RNASEH1: variants seen among roughly 807,000 people sequenced by gnomAD.
The protein encoded by RNASEH1 is ribonuclease H type II.
In RNASEH1, 27 loss-of-function variants were observed where a neutral mutation model predicts 34.6. The ratio of observed to expected loss-of-function variants is 0.78; its 90% CI spans 0.58 to 1.08. The LOEUF is 1.08. Ranked by LOEUF, RNASEH1 falls within the 50% of genes least tolerant of loss-of-function variation. The pLI, the probability that RNASEH1 is intolerant of heterozygous loss-of-function variation, is 0.00. For synonymous variants in RNASEH1, 162 were observed against 138.4 expected, an observed-to-expected ratio of 1.17 and a Z score of -1.20; for missense variants, 349 against 373.6, an observed-to-expected ratio of 0.93 and a Z score of 0.54.
rs545437379 is a variant in RNASEH1 at position 3,556,954 on chromosome 2, CCT to C, written c.129-52_129-51del. 140 of 1,346,604 alleles carry C rather than the reference CCT, an allele frequency of 1.0e-4. 1 individual carries two copies. In the East Asian group the frequency reaches 1.9e-3, roughly 19 times the overall value. The allele number at this position is 1,346,604 out of a possible 1,614,324, so 83.4% of individuals were successfully genotyped here. ...TCCTTCTTCCTTCTCTAACTTATCC[CCT>C]TTTTTATTGAGATTCTTAAGGTTGG... On this transcript the variant is annotated intron_variant, in intron 1 of 7. Coordinates refer to ENST00000315212, the MANE Select transcript of RNASEH1 (RefSeq NM_002936.6).
At chr2:3,535,180 C>T in the RNASEH1 span, among the ~76,000 whole-genome samples, 85 of 151,942 alleles carry the variant, frequency 5.6e-4, no homozygotes, top group Non-Finnish European at 4.3e-4. Flanking sequence ...CACTTGGGGA[C>T]GGTGAGGCAG....
the RNASEH1 span, among the ~76,000 whole-genome samples, chr2:3,534,744 C>T: frequency 3.7e-3 from 559 of 152,352 alleles, 3 homozygotes; most frequent in African/African-American, 0.012. Context: ...GGGGCGCCAG[C>T]GGCCATGGAG....
chr2:3,552,228 C>G lies in RNASEH1; in HGVS notation c.325G>C (p.Glu109Gln). The G allele has an allele frequency of 6.2e-7, 1 of 1,613,846 alleles. No homozygotes were observed. The highest frequency in any genetic ancestry group is 8.5e-7 in the Non-Finnish European group (1 of 1,180,024). The part of the protein sequence containing the change: ...LREPLDGDGH[E>Q]SAEPYAKHMK... Reference sequence around the variant, plus strand: ...TGCTTTGCATACGGCTCTGCGCTTTCATGTCCATCTCCATCCAGTGGCTCA... The same window carrying G: ...TGCTTTGCATACGGCTCTGCGCTTTGATGTCCATCTCCATCCAGTGGCTCA... Residue 109 changes from glutamate to glutamine, a missense_variant, in exon 3 of 8, where the codon GAA becomes CAA. By Grantham distance (29) the Glu-to-Gln change is conservative. Coordinates refer to ENST00000315212, the MANE Select transcript of RNASEH1 (RefSeq NM_002936.6).
chr2:3,551,281 T>A (rs1311756618), intron 3 of RNASEH1, among the ~76,000 whole-genome samples: 4 of 152,204 alleles, frequency 2.6e-5, no homozygotes, highest in African/African-American at 9.7e-5. Flanking sequence ...GCTCCTCCGT[T>A]CAGCTGGAAC....
intron 1 of RNASEH1, chr2:3,557,793 C>T: frequency 1.9e-6 from 2 of 1,076,546 alleles, no homozygotes; most frequent in Non-Finnish European, 2.6e-6. Context: ...GGAAAGTCTT[C>T]TGGTAACGGG....
downstream of RNASEH1, among the ~76,000 whole-genome samples, chr2:3,537,866 C>T (rs1668066659): frequency 6.6e-6 from 1 of 151,344 alleles, no homozygotes; most frequent in African/African-American, 2.4e-5. Context: ...GGAGAAACCC[C>T]ATCTCTACTA....
chr2:3,548,245 C>T (rs150831015), intron 6 of RNASEH1, among the ~76,000 whole-genome samples, 190 bp from the exon 7 acceptor site: 26 of 152,312 alleles, frequency 1.7e-4, no homozygotes, highest in Admixed American at 9.8e-4. Context: ...TTCCCTTTCC[C>T]CTAACTTGTA....
At chr2:3,550,289 T>A (rs1669167063) in intron 4 of RNASEH1, 84 bp downstream of exon 4, 4 of 1,144,048 alleles carry the variant, frequency 3.5e-6, no homozygotes, top group African/African-American at 3.1e-5. Flanking sequence ...GTTTTCCCAA[T>A]AATCAAACAA....
chr2:3,554,120 C>T (rs778209836), intron 2 of RNASEH1, among the ~76,000 whole-genome samples: 6 of 152,152 alleles, frequency 3.9e-5, no homozygotes, highest in Non-Finnish European at 7.4e-5. Context: ...CCACACCTCT[C>T]GGAACCCTAA....
chr2:3,534,935 T>C, the RNASEH1 span, among the ~76,000 whole-genome samples: 1 of 152,350 alleles, frequency 6.6e-6, no homozygotes, highest in African/African-American at 2.4e-5. Context: ...ATTCCATTTA[T>C]ACGGGGTCCC....
rs762076966 is a variant in RNASEH1 at position 3,548,733 on chromosome 2, G to C, written c.565-9C>G. 40 of 1,601,830 alleles carry C rather than the reference G, an allele frequency of 2.5e-5. No homozygotes were observed. The highest frequency in any genetic ancestry group is 3.0e-5 in the Non-Finnish European group (35 of 1,169,750). ...ATGGCTTTGCAGGCTGCCTTGAAAA[G>C]ACAAGTCGATAGTCATGCTACAGAA... On this transcript the variant is annotated splice_polypyrimidine_tract_variant and intron_variant, in intron 5 of 7. Coordinates refer to ENST00000315212, the MANE Select transcript of RNASEH1 (RefSeq NM_002936.6).
Position 3,548,722 on chromosome 2 carries a change from T to G in RNASEH1, c.567A>C (p.Ala189=). The change falls in exon 6 of 8, where the codon GCA becomes GCC. Residue 189 remains alanine (A), a splice_region_variant and synonymous_variant. Coordinates refer to ENST00000315212, the MANE Select transcript of RNASEH1 (RefSeq NM_002936.6). ...RQTNQRAEIH[A]ACKAIEQAKT... ...TTGCTTGTTCAATGGCTTTGCAGGC[T>G]GCCTTGAAAAGACAAGTCGATAGTC... is the stretch of plus-strand genomic sequence containing the variant. 1.2e-6 allele frequency: 2 copies of G among 1,612,000 alleles called. No homozygotes were observed. Among genetic ancestry groups the G allele is most frequent in the Non-Finnish European group, 8.5e-7 (1 of 1,178,204 alleles).
At chr2:3,547,481 A>ATT (rs751838150) in intron 7 of RNASEH1, among the ~76,000 whole-genome samples, 8 of 139,692 alleles carry the variant, frequency 5.7e-5, no homozygotes, top group African/African-American at 1.1e-4. Context: ...AGGCTCACAT[A>ATT]TTTTTTTTTT....
chr2:3,534,048 G>C, the RNASEH1 span: 7 of 152,184 alleles, frequency 4.6e-5, no homozygotes, highest in Non-Finnish European at 1.0e-4. Flanking sequence ...CCCTTTCTGA[G>C]CCCATAAAAA....
chr2:3,535,245 C>T, the RNASEH1 span, among the ~76,000 whole-genome samples: 2 of 151,944 alleles, frequency 1.3e-5, no homozygotes, highest in Non-Finnish European at 2.9e-5. Flanking sequence ...TGGCAAAACC[C>T]TGTCTCTACT....
downstream of RNASEH1, chr2:3,536,899 C>G (rs114616591): frequency 3.3e-3 from 505 of 152,368 alleles, 3 homozygotes; most frequent in African/African-American, 0.012. Context: ...TGGTCTGTCC[C>G]GGGAGAGTGC....
At chr2:3,532,166 A>G in the RNASEH1 span, 1 of 677,210 alleles carries the variant, frequency 1.5e-6, no homozygotes, top group South Asian at 1.6e-5. Flanking sequence ...GTCAGCTAAC[A>G]CTTTGAGCAG....
At chr2:3,540,151 T>G (rs1221687215), downstream of RNASEH1, among the ~76,000 whole-genome samples, 1 of 152,208 alleles carries the variant, frequency 6.6e-6, no homozygotes, top group Non-Finnish European at 1.5e-5. Context: ...AGTTGAAAGC[T>G]TATATATTCC....
In RNASEH1 at chr2:3,543,676, G is replaced by A. The variant is rs569847920; in HGVS notation, c.*2109C>T. 1.3e-5 allele frequency among the ~76,000 whole-genome samples: 2 copies of A among 152,022 alleles called. No homozygotes were observed. Among genetic ancestry groups the A allele is most frequent in the South Asian group, 2.1e-4 (1 of 4,808 alleles). On this transcript the variant is annotated 3_prime_UTR_variant, in exon 8 of 8. Transcript: ENST00000315212. ...GCCCAGGCTGGAATGTGGTGGCATG[G>A]TCACAGCTCACGCATCCTCGACCTC...
Sources: allele counts gnomAD v4.1 joint callset (sites outside exome capture counted in the v4.1 genomes callset), GRCh38; gene constraint gnomAD v4.1.1; transcripts MANE v1.5; gene names NCBI Gene and HGNC (gene_info 2026-07-23, HGNC 2026-07-21).